The following POLN variants were observed in gnomAD, a reference collection of about 807,000 sequenced individuals.
POLN encodes the protein DNA polymerase N.
POLN carries 108 observed loss-of-function variants against 113.5 expected under a neutral mutation model. The ratio of observed to expected loss-of-function variants is 0.95; its 90% confidence interval spans 0.81 to 1.12. The LOEUF is 1.12. Among genes scored for constraint, POLN ranks in the 50% most tolerant of loss-of-function variants. The pLI is 0.00. For synonymous variants in POLN, 386 were observed against 391.5 expected (o/e 0.99, Z 0.17); for missense variants, 1,097 against 1,077.1 (o/e 1.02, Z -0.26).
At position 2,081,675 on chromosome 4, in the gene POLN, G is replaced by A. The variant is rs954267737; in HGVS notation, c.2266C>T (p.Arg756Trp). Residue 756 changes from arginine to tryptophan, a missense_variant, in exon 22 of 26, where the codon CGG becomes TGG. By Grantham distance (101) the Arg-to-Trp change is moderately radical (BLOSUM62 -3). Coordinates refer to ENST00000511885, the MANE Select transcript of POLN (RefSeq NM_181808.4). ...ACTGCCTGTCGCTCTGCTTGTGCCC[G>A]GAGTTGCTGGTCATGAGCGTGAATC... ...PRIHAHDQQL[R>W]AQAERQAVNF... The A allele has an allele frequency of 1.1e-5, 18 of 1,614,056 alleles. No homozygotes were observed. The highest frequency in any genetic ancestry group is 4.0e-5 in the African/African-American group (3 of 74,910).
chr4:2,090,399 G>A (rs983243147), intron 20 of POLN: 1 of 633,780 alleles, frequency 1.6e-6, no homozygotes, highest in South Asian at 2.2e-5. Context: ...TAAATCCACT[G>A]AGCTGATGGT....
rs1475009449 is a variant in POLN, at chr4:2,239,984, C to T, written c.-13+1536G>A. The stretch of plus-strand genomic sequence containing the variant: ...AGTACTTTAACAGCAATATTATCTC[C>T]TCTATTCCTAACAATAATTACAATG... On this transcript the variant is annotated intron_variant, in intron 2 of 25. Coordinates refer to ENST00000511885, the MANE Select transcript of POLN (RefSeq NM_181808.4). The T allele has an allele frequency of 3.6e-6, 5 of 1,371,066 alleles. No individual in the cohort carries two copies. The South Asian group carries it at 4.8e-5, about 13-fold the overall frequency. The allele number at this position is 1,371,066 out of a possible 1,614,324, so 84.9% of individuals were successfully genotyped here. A position where few individuals can be genotyped will look rare whatever the true frequency, so the allele number is the denominator to read the frequency against.
chr4:2,081,860 C>T lies in POLN; in HGVS notation c.2198-117G>A, dbSNP rs370137617. 26 of 783,132 alleles carry T rather than the reference C, an allele frequency of 3.3e-5. No individual in the cohort carries two copies. The East Asian group carries it at 6.8e-4, about 20-fold the overall frequency. The allele number at this position is 783,132 out of a possible 1,614,324, so 48.5% of individuals were successfully genotyped here. On this transcript the variant is annotated intron_variant, in intron 21 of 25. Transcript: ENST00000511885. ...GACAGCCGCACTGCAGTGCAGACTC[C>T]AAGCCTCCCCTGGGCCCTTCGGGTC...
intron 2 of POLN, chr4:2,241,033 C>T: frequency 1.1e-6 from 1 of 936,288 alleles, no homozygotes; most frequent in South Asian, 1.5e-5. Context: ...AAAAAAGCTA[C>T]GTTTTATACC....
intron 16 of POLN, among the ~76,000 whole-genome samples, chr4:2,150,686 T>A (rs959357139): frequency 6.6e-6 from 1 of 152,194 alleles, no homozygotes; most frequent in Non-Finnish European, 1.5e-5. Flanking sequence ...TAAACCCTTA[T>A]ATTGATAGTA....
chr4:2,144,397 C>G (rs1732082291), intron 16 of POLN, among the ~76,000 whole-genome samples: 2 of 152,024 alleles, frequency 1.3e-5, no homozygotes, highest in Non-Finnish European at 2.9e-5. Context: ...CCTGCCTCAG[C>G]CTCCCCAAGT....
At chr4:2,197,706 C>T (rs536935544) in intron 6 of POLN, among the ~76,000 whole-genome samples, 7 of 152,178 alleles carry the variant, frequency 4.6e-5, no homozygotes, top group Non-Finnish European at 8.8e-5. Context: ...GAGCTGAATG[C>T]TATGTTTGTC....
At chr4:2,081,169 G>C (rs112847440) in intron 22 of POLN, 133 bp from the exon 23 acceptor site, 13 of 1,595,352 alleles carry the variant, frequency 8.1e-6, no homozygotes, top group African/African-American at 1.3e-5. Flanking sequence ...CTGAGTGCCA[G>C]GGCCACAGAT....
rs371849366 is a variant in POLN at position 2,242,084 on chromosome 4, C to A, written c.-317G>T. ...GTTCCGCTTGCTTCTCGCAGGAGCC[C>A]GCCGCCACCGCCCTCCGTGCCCCGC... On this transcript the variant is annotated 5_prime_UTR_variant, in exon 1 of 26. Transcript: ENST00000511885. 2 of 985,828 alleles carry A rather than the reference C, an allele frequency of 2.0e-6. No individual in the cohort carries two copies. The highest frequency in any genetic ancestry group is 1.1e-4 in the East Asian group (1 of 8,818). 61.1% of individuals were successfully genotyped at this position (985,828 alleles called of 1,614,324 possible). A position where few individuals can be genotyped will look rare whatever the true frequency, so the allele number is the denominator to read the frequency against.
chr4:2,088,629 A>T, intron 20 of POLN: 1 of 643,536 alleles, frequency 1.6e-6, no homozygotes, highest in Middle Eastern at 3.9e-4. Context: ...TCACAATTTG[A>T]ATCCCATAAT....
chr4:2,142,848 G>A lies in POLN; in HGVS notation c.1732-11558C>T, dbSNP rs1404425727. On this transcript the variant is annotated intron_variant, in intron 16 of 25. Transcript: ENST00000511885. ...TTTTTAATCCCCCACCCCCACCTCC[G>A]CCATCCTTGATACCCAGCCAAGATT... 2.3e-4 allele frequency among the ~76,000 whole-genome samples: 15 copies of A among 66,336 alleles called. No individual in the cohort carries two copies. In the South Asian group the frequency reaches 2.4e-3, roughly 11 times the overall value. 43.5% of individuals were successfully genotyped at this position (66,336 alleles called of 152,430 possible).
intron 7 of POLN, among the ~76,000 whole-genome samples, chr4:2,189,796 C>A (rs1431197789): frequency 6.7e-6 from 1 of 148,774 alleles, no homozygotes; most frequent in Non-Finnish European, 1.5e-5. Flanking sequence ...TTTAGGAGAC[C>A]AAGGCGGGTG....
At chr4:2,098,817 T>C (rs1047728126) in intron 19 of POLN, among the ~76,000 whole-genome samples, 1 of 152,238 alleles carries the variant, frequency 6.6e-6, no homozygotes. Context: ...AAATGGCTGA[T>C]TCCAGGACTG....
chr4:2,236,518 A>T (rs574985921), intron 2 of POLN: 2 of 1,186,288 alleles, frequency 1.7e-6, no homozygotes, highest in African/African-American at 3.0e-5. Flanking sequence ...TTTCAAAATT[A>T]CAATCCACTG....
intron 3 of POLN, among the ~76,000 whole-genome samples, chr4:2,222,625 T>C (rs1209878455): frequency 5.3e-5 from 8 of 152,096 alleles, no homozygotes; most frequent in Non-Finnish European, 7.4e-5. Flanking sequence ...CTACAGGCTG[T>C]CACTTTATAG....
chr4:2,211,250 A>AAAGAATAAT (rs377056527), intron 4 of POLN, among the ~76,000 whole-genome samples: 1 of 139,824 alleles, frequency 7.2e-6, no homozygotes, highest in Non-Finnish European at 1.5e-5. Context: ...CTCCGTCTCC[A>AAAGAATAAT]AATAATAATA....
At chr4:2,222,762 G>A (rs1159267129) in intron 3 of POLN, among the ~76,000 whole-genome samples, 1 of 130,130 alleles carries the variant, frequency 7.7e-6, no homozygotes, top group Non-Finnish European at 1.6e-5. Context: ...CAATTCCATT[G>A]TCTTCAACTG....
At chr4:2,232,446 C>CTATTGTTGAACAG (rs1560102625) in intron 2 of POLN, among the ~76,000 whole-genome samples, 1 of 152,156 alleles carries the variant, frequency 6.6e-6, no homozygotes, top group Non-Finnish European at 1.5e-5. Context: ...TCAACAAATG[C>CTATTGTTGAACAG]TATTGTGCCA....
intron 19 of POLN, among the ~76,000 whole-genome samples, chr4:2,102,731 T>C (rs922855704): frequency 2.0e-5 from 3 of 152,222 alleles, no homozygotes; most frequent in Admixed American, 6.5e-5. Flanking sequence ...TCTGGCATTT[T>C]AGTCCCCACA....
Sources: allele counts gnomAD v4.1 joint callset (sites outside exome capture counted in the v4.1 genomes callset), GRCh38; gene constraint gnomAD v4.1.1; transcripts MANE v1.5; gene names NCBI Gene and HGNC (gene_info 2026-07-23, HGNC 2026-07-21).